CDC14A: variants seen among roughly 807,000 people sequenced by gnomAD.
CDC14A encodes the protein dual specificity protein phosphatase CDC14A.
Under a neutral mutation model 74.4 loss-of-function variants are expected in CDC14A, and 53 were observed. The ratio of observed to expected loss-of-function variants is 0.71; its 90% confidence interval spans 0.57 to 0.89. CDC14A has a LOEUF of 0.89. Ranked by LOEUF, CDC14A falls within the 40% of genes least tolerant of loss-of-function variation. The probability of loss-of-function intolerance (pLI) is 0.00; values close to 1 mark genes in which losing one functional copy is unlikely to be tolerated. For missense variants in CDC14A, 646 were observed against 713.7 expected, an observed-to-expected ratio of 0.91 and a Z score of 1.08; for synonymous variants, 247 against 258.4, an observed-to-expected ratio of 0.96 and a Z score of 0.43.
intron 15 of CDC14A, among the ~76,000 whole-genome samples, chr1:100,501,065 C>T (rs1648665475): frequency 6.6e-6 from 1 of 152,034 alleles, no homozygotes; most frequent in African/African-American, 2.4e-5. Context: ...AGGAAATTGC[C>T]AGCCCATCTA....
At chr1:100,397,267 G>A (rs1658639607) in intron 4 of CDC14A, among the ~76,000 whole-genome samples, 1 of 152,152 alleles carries the variant, frequency 6.6e-6, no homozygotes, top group African/African-American at 2.4e-5. Context: ...GCCTCTACTA[G>A]TAGAGCATCT....
chr1:100,353,724 C>T (rs1000828934), intron 1 of CDC14A, 38 bp from the exon 2 acceptor site: 6 of 1,105,472 alleles, frequency 5.4e-6, no homozygotes, highest in Admixed American at 1.9e-5. Context: ...TTCTCTACTT[C>T]TCATATGTTT....
At chr1:100,427,121 A>G (rs1325127241) in intron 5 of CDC14A, among the ~76,000 whole-genome samples, 2 of 152,124 alleles carry the variant, frequency 1.3e-5, no homozygotes, top group Non-Finnish European at 2.9e-5. Context: ...TCTGGGTTTT[A>G]TTATCACCAG....
chr1:100,501,247 G>T (rs11166462), intron 15 of CDC14A, among the ~76,000 whole-genome samples: 142,477 of 152,276 alleles, frequency 0.94, 67,197 homozygotes, highest in Non-Finnish European at 1. Context: ...AGTTCAGTCA[G>T]CATTTTCACA....
At chr1:100,412,720 ATAT>A (rs1478564521) in intron 4 of CDC14A, among the ~76,000 whole-genome samples, 3 of 99,818 alleles carry the variant, frequency 3.0e-5, no homozygotes, top group African/African-American at 2.1e-4. Flanking sequence ...ATATATATAT[ATAT>A]TTTATATATA....
At chr1:100,384,292 T>C (rs1656547321) in intron 3 of CDC14A, among the ~76,000 whole-genome samples, 1 of 152,212 alleles carries the variant, frequency 6.6e-6, no homozygotes, top group Non-Finnish European at 1.5e-5. Context: ...AAACTTTGAC[T>C]CTCAGGTAAG....
At chr1:100,482,498 A>G (rs1669584801) in intron 10 of CDC14A, among the ~76,000 whole-genome samples, 1 of 152,102 alleles carries the variant, frequency 6.6e-6, no homozygotes, top group South Asian at 2.1e-4. Flanking sequence ...ATGTTGGGGA[A>G]CTTCTTTTTG....
rs1229937096 is a variant in CDC14A at position 100,484,352 on chromosome 1, A to T, written c.1038A>T (p.Pro346=). 19 of 1,606,814 alleles carry T rather than the reference A, an allele frequency of 1.2e-5. No homozygotes were observed. The highest frequency in any genetic ancestry group is 1.6e-5 in the Non-Finnish European group (19 of 1,176,626). The change falls in exon 11 of 16, where the codon CCA becomes CCT. Residue 346 remains proline, a synonymous_variant. Coordinates refer to ENST00000336454, the MANE Select transcript of CDC14A (RefSeq NM_003672.4). ...DIFRSKLKNR[P]SSEGSINKIL... ...TCCGATCCAAACTGAAAAATCGACC[A>T]TCCAGTGAAGGAAGTATTAATAAAA...
At position 100,494,344 on chromosome 1, in the gene CDC14A, A is replaced by G. The variant is rs115612493; in HGVS notation, c.1138-474A>G. ...TGAAAAGGGCTTGTGTGCTTTTACT[A>G]GTGTTACATGATTACTGTGTTAATA... On this transcript the variant is annotated intron_variant, in intron 11 of 15. Transcript: ENST00000336454. Among the ~76,000 whole-genome samples, 302 of 152,324 alleles carry G rather than the reference A, an allele frequency of 2.0e-3. 3 individuals are homozygous for G. Among genetic ancestry groups the G allele is most frequent in the African/African-American group, 6.4e-3 (267 of 41,564 alleles).
At chr1:100,446,458 A>G (rs181863708) in intron 7 of CDC14A, among the ~76,000 whole-genome samples, 2 of 152,350 alleles carry the variant, frequency 1.3e-5, no homozygotes, top group African/African-American at 2.4e-5. Context: ...GGTTATATGC[A>G]TCTTCCTCCT....
chr1:100,471,154 A>G (rs886802550), intron 10 of CDC14A, among the ~76,000 whole-genome samples: 2 of 148,840 alleles, frequency 1.3e-5, no homozygotes, highest in Admixed American at 6.6e-5. Context: ...TTGTAAGAGG[A>G]AAAAAAAAGC....
At chr1:100,377,475 G>T in intron 2 of CDC14A, 71 bp from the exon 3 acceptor site, 1 of 939,360 alleles carries the variant, frequency 1.1e-6, no homozygotes. Flanking sequence ...TGAAATTAAA[G>T]ATGAACATTG....
At chr1:100,462,398 C>T (rs576381711) in intron 8 of CDC14A, 38 of 454,354 alleles carry the variant, frequency 8.4e-5, no homozygotes, top group Non-Finnish European at 1.4e-4. Flanking sequence ...GGATTCGAAT[C>T]TAGAGGTTGA....
At chr1:100,428,624 G>A (rs1198236256) in intron 5 of CDC14A, among the ~76,000 whole-genome samples, 2 of 152,146 alleles carry the variant, frequency 1.3e-5, no homozygotes, top group African/African-American at 4.8e-5. Flanking sequence ...AAAACCCCAG[G>A]AGACCAGTGA....
intron 4 of CDC14A, among the ~76,000 whole-genome samples, chr1:100,420,033 C>CATATAT (rs1349627424): frequency 2.6e-5 from 1 of 39,098 alleles, no homozygotes; most frequent in Non-Finnish European, 4.2e-5. Context: ...TACATATATA[C>CATATAT]ACACACACAC....
intron 3 of CDC14A, among the ~76,000 whole-genome samples, chr1:100,382,538 G>A (rs971060276): frequency 1.3e-5 from 2 of 151,210 alleles, no homozygotes; most frequent in Non-Finnish European, 2.9e-5. Context: ...GTGCTTGGCC[G>A]TCAATACAGT....
At chr1:100,463,848 G>A (rs951271172) in intron 9 of CDC14A, among the ~76,000 whole-genome samples, 5 of 152,144 alleles carry the variant, frequency 3.3e-5, no homozygotes, top group African/African-American at 1.2e-4. Flanking sequence ...CACTAGGGCC[G>A]CCCTGGGCTG....
At chr1:100,432,990 C>G (rs1663894083) in intron 5 of CDC14A, among the ~76,000 whole-genome samples, 1 of 152,062 alleles carries the variant, frequency 6.6e-6, no homozygotes, top group Non-Finnish European at 1.5e-5. Flanking sequence ...TGAATTCAAA[C>G]AATTCTCCTG....
At position 100,462,882 on chromosome 1, in the gene CDC14A, G is replaced by T; in HGVS notation, c.838+1G>T. On this transcript the variant is annotated splice_donor_variant, in intron 9 of 15. Transcript: ENST00000336454. LOFTEE classifies it high-confidence loss of function. Reference sequence around the variant, plus strand: ...GGGGCCATCGCCGTTCACTGCAAAGGTGTGTGCAAGGCCTCGGTGGTGGTG... The same window carrying T: ...GGGGCCATCGCCGTTCACTGCAAAGTTGTGTGCAAGGCCTCGGTGGTGGTG... The T allele has an allele frequency of 6.2e-7, 1 of 1,611,510 alleles. No homozygotes were observed. Among genetic ancestry groups the T allele is most frequent in the Non-Finnish European group, 8.5e-7 (1 of 1,177,786 alleles).
Sources: gnomAD v4.1 joint callset for allele counts (sites outside exome capture counted in the v4.1 genomes callset) on GRCh38, gnomAD v4.1.1 for gene constraint, MANE v1.5 for transcripts, NCBI Gene and HGNC (gene_info 2026-07-23, HGNC 2026-07-21) for gene names.